The following STEAP1 variants were observed in gnomAD, a reference collection of about 807,000 sequenced individuals.
STEAP1 encodes the protein STEAP family member 1.
In STEAP1, 30 loss-of-function variants were observed where a neutral mutation model predicts 34.4. That is an observed-to-expected ratio of 0.87 (90% CI 0.65 to 1.18). The LOEUF is 1.18. STEAP1 is among the 50% of genes most tolerant of loss of function. STEAP1 has a pLI of 0.00. For missense variants in STEAP1, 318 were observed against 391.1 expected, an observed-to-expected ratio of 0.81 and a Z score of 1.58; for synonymous variants, 116 against 135.3, an observed-to-expected ratio of 0.86 and a Z score of 0.99.
At position 90,159,435 on chromosome 7, in the gene STEAP1, T is replaced by C. The variant is rs140004981; in HGVS notation, c.-31-323T>C. ...ATATTTGCCATTGAAAGGAGTTGGC[T>C]TTCCTCCAGATGGAAACCTGAAATT... On this transcript the variant is annotated intron_variant, in intron 1 of 4. Coordinates refer to ENST00000297205, the MANE Select transcript of STEAP1 (RefSeq NM_012449.3). 5.3e-3 allele frequency among the ~76,000 whole-genome samples: 814 copies of C among 152,338 alleles called. 6 individuals are homozygous for C. Among genetic ancestry groups the C allele is most frequent in the African/African-American group, 0.018 (730 of 41,588 alleles).
At position 90,161,989 on chromosome 7, in the gene STEAP1, G is replaced by A. The variant is rs772071057; in HGVS notation, c.673G>A (p.Val225Met). 4.4e-5 allele frequency: 71 copies of A among 1,613,780 alleles called. No individual in the cohort carries two copies. Among genetic ancestry groups the A allele is most frequent in the Non-Finnish European group, 6.0e-5 (71 of 1,179,844 alleles). The change falls in exon 4 of 5, where the codon GTG becomes ATG. Residue 225 changes from valine (V) to methionine (M), a missense_variant. Transcript: ENST00000297205. ...RMEIYVSLGI[V>M]GLAILALLAV... ...GGAGATTTATGTGTCTCTGGGAATT[G>A]TGGGATTGGCAATACTGGCTCTGTT...
intron 1 of STEAP1, among the ~76,000 whole-genome samples, chr7:90,157,010 A>C (rs1421914727): frequency 6.6e-6 from 1 of 152,214 alleles, no homozygotes; most frequent in Non-Finnish European, 1.5e-5. Flanking sequence ...ATGCTTCTTA[A>C]GGAGATAGAG....
chr7:90,159,445 A>G (rs1794154218), intron 1 of STEAP1, among the ~76,000 whole-genome samples: 2 of 152,212 alleles, frequency 1.3e-5, no homozygotes, highest in African/African-American at 4.8e-5. Context: ...TTTCCTCCAG[A>G]TGGAAACCTG....
intron 1 of STEAP1, among the ~76,000 whole-genome samples, chr7:90,154,944 C>T (rs1337852146): frequency 3.3e-5 from 5 of 152,314 alleles, no homozygotes; most frequent in Non-Finnish European, 7.4e-5. Context: ...TAAAATCGTG[C>T]TACTTCTCGT....
chr7:90,164,827 A>T lies in STEAP1; in HGVS notation c.*93A>T. ...TTGTTAATAAAATGATTATTCAAGG[A>T]TCTTGATGTTTCTCTTTGTATATAT... On this transcript the variant is annotated 3_prime_UTR_variant, in exon 5 of 5. Coordinates refer to ENST00000297205, the MANE Select transcript of STEAP1 (RefSeq NM_012449.3). 3.1e-6 allele frequency: 4 copies of T among 1,282,500 alleles called. No homozygotes were observed. The highest frequency in any genetic ancestry group is 3.2e-5 in the South Asian group (2 of 62,892). The allele number at this position is 1,282,500 out of a possible 1,614,324, so 79.4% of individuals were successfully genotyped here.
Position 90,159,829 on chromosome 7 carries a change from G to C in STEAP1, c.41G>C (p.Trp14Ser), listed in dbSNP as rs2115961768. ...GACATCACAAACCAAGAAGAACTTT[G>C]GAAAATGAAGCCTAGGAGAAATTTA... Reference protein sequence around the residue: ...RKDITNQEELWKMKPRRNLEE... With the variant: ...RKDITNQEELSKMKPRRNLEE... Residue 14 changes from tryptophan to serine, a missense_variant, in exon 2 of 5, where the codon TGG becomes TCG. By Grantham distance (177) the Trp-to-Ser change is radical. Coordinates refer to ENST00000297205, the MANE Select transcript of STEAP1 (RefSeq NM_012449.3). The C allele has an allele frequency of 6.4e-7, 1 of 1,564,240 alleles. No individual in the cohort carries two copies. The highest frequency in any genetic ancestry group is 2.3e-5 in the East Asian group (1 of 43,076).
At chr7:90,156,180 A>G (rs1224204839) in intron 1 of STEAP1, among the ~76,000 whole-genome samples, 2 of 152,244 alleles carry the variant, frequency 1.3e-5, no homozygotes, top group Non-Finnish European at 1.5e-5. Context: ...CAAAGTTAAA[A>G]GATCTTCTAA....
Position 90,164,629 on chromosome 7 carries a change from A to C in STEAP1, c.915A>C (p.Lys305Asn), listed in dbSNP as rs548834855. The change falls in exon 5 of 5, where the codon AAA becomes AAC. Residue 305 changes from lysine (K) to asparagine (N), a missense_variant. By Grantham distance (94) the Lys-to-Asn change is moderately conservative. Transcript: ENST00000297205. ...VFLPIVVLIF[K>N]SILFLPCLRK... Reference sequence around the variant, plus strand: ...TTCCAATTGTTGTCCTGATATTTAAAAGCATACTATTCCTGCCATGCTTGA... The same window carrying C: ...TTCCAATTGTTGTCCTGATATTTAACAGCATACTATTCCTGCCATGCTTGA... The C allele has an allele frequency of 6.2e-7, 1 of 1,613,846 alleles. No homozygotes were observed. The highest frequency in any genetic ancestry group is 2.2e-5 in the East Asian group (1 of 44,826).
intron 1 of STEAP1, among the ~76,000 whole-genome samples, chr7:90,156,377 T>C (rs1196253856): frequency 6.6e-6 from 1 of 152,106 alleles, no homozygotes; most frequent in Non-Finnish European, 1.5e-5. Context: ...GATTGGACCA[T>C]GGGAGCAGTT....
At chr7:90,162,551 TCTC>T (rs1197536485) in intron 4 of STEAP1, among the ~76,000 whole-genome samples, 2 of 152,010 alleles carry the variant, frequency 1.3e-5, no homozygotes, top group African/African-American at 4.8e-5. Context: ...CTGGTCTCGA[TCTC>T]CTGACCTCAA....
In STEAP1 at chr7:90,159,837, A is replaced by T; in HGVS notation, c.49A>T (p.Lys17Ter). The stretch of plus-strand genomic sequence containing the variant: ...AAACCAAGAAGAACTTTGGAAAATG[A>T]AGCCTAGGAGAAATTTAGAAGAAGA... ...ITNQEELWKMKPRRNLEEDDY... is the reference protein window; with the variant it reads ...ITNQEELWKM Residue 17 changes from lysine to a stop codon, truncating the protein, a stop_gained, in exon 2 of 5, where the codon AAG (lysine) becomes TAG (stop). Transcript: ENST00000297205. LOFTEE classifies it high-confidence loss of function. The T allele has an allele frequency of 6.4e-7, 1 of 1,566,770 alleles. No individual in the cohort carries two copies. Among genetic ancestry groups the T allele is most frequent in the Non-Finnish European group, 8.6e-7 (1 of 1,158,364 alleles).
chr7:90,162,183 A>T (rs1794195047), intron 4 of STEAP1, 105 bp downstream of exon 4: 17 of 1,433,836 alleles, frequency 1.2e-5, no homozygotes, highest in Non-Finnish European at 1.5e-5. Context: ...GTTTTTCAAC[A>T]GCAAAGATCT....
At chr7:90,161,829 G>C in intron 3 of STEAP1, 85 bp from the exon 4 acceptor site, 1 of 1,513,774 alleles carries the variant, frequency 6.6e-7, no homozygotes, top group Non-Finnish European at 8.8e-7. Context: ...TTCATAGTAG[G>C]CACAGGGAAG....
Position 90,156,411 on chromosome 7 carries a change from C to G in STEAP1, c.-32+1868C>G, listed in dbSNP as rs1224719747. Among the ~76,000 whole-genome samples the G allele has an allele frequency of 2.6e-5, 4 of 152,264 alleles. No homozygotes were observed. In the South Asian group the frequency reaches 6.2e-4, roughly 24 times the overall value. ...TTTCTCATGGTTTAACACCATCCCC[C>G]CTTGGTGCTGTTGTCACGTTAGTGC... is the stretch of plus-strand genomic sequence containing the variant. On this transcript the variant is annotated intron_variant, in intron 1 of 4. Transcript: ENST00000297205.
chr7:90,159,962 G>A, intron 2 of STEAP1, 90 bp downstream of exon 2: 1 of 938,102 alleles, frequency 1.1e-6, no homozygotes, highest in Non-Finnish European at 1.4e-6. Context: ...TGTTATGAAA[G>A]TGATTTTTCA....
intron 1 of STEAP1, among the ~76,000 whole-genome samples, chr7:90,158,279 ATTT>A (rs1190260459): frequency 6.6e-6 from 1 of 151,876 alleles, no homozygotes; most frequent in Non-Finnish European, 1.5e-5. Flanking sequence ...TTATTGAAAA[ATTT>A]TTTTCTTTAA....
At chr7:90,161,591 C>A (rs1794187433) in intron 3 of STEAP1, among the ~76,000 whole-genome samples, 1 of 152,040 alleles carries the variant, frequency 6.6e-6, no homozygotes, top group South Asian at 2.1e-4. Flanking sequence ...CTTCTACCAC[C>A]CTCACAAGAT....
intron 1 of STEAP1, among the ~76,000 whole-genome samples, chr7:90,156,601 A>C (rs1044875606): frequency 2.0e-5 from 3 of 152,218 alleles, no homozygotes; most frequent in African/African-American, 7.2e-5. Context: ...CATGAACCCT[A>C]TTGCAAACTG....
intron 1 of STEAP1, 61 bp from the exon 2 acceptor site, chr7:90,159,697 A>C: frequency 1.1e-6 from 1 of 925,100 alleles, no homozygotes; most frequent in Non-Finnish European, 1.5e-6. Context: ...TTATATTGTT[A>C]CATCAAACAT....
Sources: allele counts gnomAD v4.1 joint callset (sites outside exome capture counted in the v4.1 genomes callset), GRCh38; gene constraint gnomAD v4.1.1; transcripts MANE v1.5; gene names NCBI Gene and HGNC (gene_info 2026-07-23, HGNC 2026-07-21).